SH3RF3: variants seen among roughly 807,000 people sequenced by gnomAD.
SH3RF3 encodes the protein SH3 domain containing ring finger 3.
SH3RF3 carries 29 observed loss-of-function variants against 66.3 expected under a neutral mutation model. The ratio of observed to expected loss-of-function variants is 0.44; its 90% CI spans 0.33 to 0.60. The LOEUF is 0.60. Among genes scored for constraint, SH3RF3 ranks in the 20% least tolerant of loss-of-function variants. SH3RF3 has a pLI of 0.04. For synonymous variants in SH3RF3, 583 were observed against 532.0 expected (o/e 1.10, Z -1.32); for missense variants, 1,194 against 1,190.9 (o/e 1.00, Z -0.04).
intron 1 of SH3RF3, among the ~76,000 whole-genome samples, chr2:109,235,477 A>G (rs1679625524): frequency 6.6e-6 from 1 of 152,338 alleles, no homozygotes; most frequent in Admixed American, 6.5e-5. Context: ...ATTAACCCTC[A>G]TGCCAGGACA....
At chr2:109,328,518 G>T (rs1054181627) in intron 1 of SH3RF3, among the ~76,000 whole-genome samples, 2 of 152,108 alleles carry the variant, frequency 1.3e-5, no homozygotes, top group Non-Finnish European at 2.9e-5. Context: ...ACACATGTTT[G>T]TTTTTCTAAG....
In SH3RF3 at chr2:109,384,651, A is replaced by G. The variant is rs190501147; in HGVS notation, c.945+12970A>G. 3.2e-3 allele frequency among the ~76,000 whole-genome samples: 490 copies of G among 152,250 alleles called. 3 individuals carry two copies. Among genetic ancestry groups the G allele is most frequent in the African/African-American group, 0.011 (452 of 41,542 alleles). ...TGCCCGCGACCTTGTGCCTGTGTCCATAGACTCCTCCTGACCACGTCCTTG... is the reference window on the plus strand; with the variant it reads ...TGCCCGCGACCTTGTGCCTGTGTCCGTAGACTCCTCCTGACCACGTCCTTG... On this transcript the variant is annotated intron_variant, in intron 3 of 9. Coordinates refer to ENST00000309415, the MANE Select transcript of SH3RF3 (RefSeq NM_001099289.3).
intron 1 of SH3RF3, among the ~76,000 whole-genome samples, chr2:109,311,794 T>C (rs1421423341): frequency 1.3e-5 from 2 of 152,240 alleles, no homozygotes; most frequent in Admixed American, 6.5e-5. Flanking sequence ...GCTACCCATA[T>C]GGCAGAGACA....
At chr2:109,418,408 G>A (rs1299991233) in intron 4 of SH3RF3, among the ~76,000 whole-genome samples, 1 of 152,124 alleles carries the variant, frequency 6.6e-6, no homozygotes, top group Admixed American at 6.5e-5. Context: ...GTCAAGGTGT[G>A]GACAGGTTTG....
chr2:109,404,284 G>A (rs1676390916), intron 4 of SH3RF3, among the ~76,000 whole-genome samples: 1 of 152,218 alleles, frequency 6.6e-6, no homozygotes, highest in Admixed American at 6.5e-5. Context: ...TTGTTGATGA[G>A]AATGCTGAAA....
rs1433263348 is a variant in SH3RF3, at chr2:109,412,822, G to A, written c.1300-6717G>A. On this transcript the variant is annotated intron_variant, in intron 4 of 9. Transcript: ENST00000309415. ...CCCAAAGGAGCAAAGTTATGGTTTG[G>A]TATGTAAGTTTCCTGACTTCTTGCC... 2.0e-5 allele frequency among the ~76,000 whole-genome samples: 3 copies of A among 152,230 alleles called. No individual in the cohort carries two copies. In the South Asian group the frequency reaches 6.2e-4, roughly 32 times the overall value.
At chr2:109,327,048 T>G (rs1362195145) in intron 1 of SH3RF3, among the ~76,000 whole-genome samples, 2 of 152,260 alleles carry the variant, frequency 1.3e-5, no homozygotes, top group African/African-American at 4.8e-5. Context: ...TGTCTTTTGA[T>G]AAATGGAAGG....
chr2:109,206,517 A>T (rs1289659213), intron 1 of SH3RF3, among the ~76,000 whole-genome samples: 1 of 126,570 alleles, frequency 7.9e-6, no homozygotes, highest in Non-Finnish European at 1.7e-5. Flanking sequence ...AAAAAAAAAG[A>T]ATTAGAGGAG....
At chr2:109,325,475 G>C (rs1682131972) in intron 1 of SH3RF3, among the ~76,000 whole-genome samples, 1 of 151,340 alleles carries the variant, frequency 6.6e-6, no homozygotes, top group African/African-American at 2.4e-5. Flanking sequence ...TGAGTAGATG[G>C]GACTACAGGC....
intron 2 of SH3RF3, among the ~76,000 whole-genome samples, chr2:109,364,673 C>T (rs1303681873): frequency 2.0e-5 from 3 of 152,190 alleles, no homozygotes; most frequent in Admixed American, 2.0e-4. Context: ...AAGCTTGTGC[C>T]CCTGGCCTGT....
chr2:109,177,184 A>G (rs1388151323), intron 1 of SH3RF3, among the ~76,000 whole-genome samples: 3 of 152,206 alleles, frequency 2.0e-5, no homozygotes, highest in African/African-American at 7.2e-5. Flanking sequence ...GAGTCAGAAT[A>G]AGGGGGACTG....
intron 9 of SH3RF3, among the ~76,000 whole-genome samples, chr2:109,500,298 T>A (rs774432000): frequency 2.6e-5 from 4 of 152,142 alleles, no homozygotes; most frequent in Non-Finnish European, 5.9e-5. Context: ...GAGAGAACTC[T>A]TGGTCAGTGC....
chr2:109,147,357 T>A, intron 1 of SH3RF3, among the ~76,000 whole-genome samples: 1 of 152,218 alleles, frequency 6.6e-6, no homozygotes, highest in East Asian at 1.9e-4. Flanking sequence ...ATCTCTGCGC[T>A]GATAAGCACC....
At chr2:109,452,851 A>G (rs1573263888) in intron 8 of SH3RF3, among the ~76,000 whole-genome samples, 1 of 111,630 alleles carries the variant, frequency 9.0e-6, no homozygotes, top group African/African-American at 3.7e-5. Context: ...GGTCCCTGGG[A>G]GGCTGGTCCC....
intron 8 of SH3RF3, among the ~76,000 whole-genome samples, chr2:109,464,311 A>G (rs1678281870): frequency 6.6e-6 from 1 of 152,256 alleles, no homozygotes; most frequent in African/African-American, 2.4e-5. Context: ...CATGTACAAC[A>G]TGAACTCACG....
chr2:109,235,418 G>A (rs759055288), intron 1 of SH3RF3, among the ~76,000 whole-genome samples: 1 of 152,208 alleles, frequency 6.6e-6, no homozygotes, highest in Non-Finnish European at 1.5e-5. Context: ...GCTGAGGAGA[G>A]TGACTAGGTA....
intron 1 of SH3RF3, among the ~76,000 whole-genome samples, chr2:109,257,474 A>G (rs1041489810): frequency 1.3e-5 from 2 of 152,088 alleles, no homozygotes; most frequent in African/African-American, 4.8e-5. Flanking sequence ...TTTCTTGTAA[A>G]TAGCAGCTGC....
chr2:109,333,430 G>A (rs1375682065), intron 1 of SH3RF3, among the ~76,000 whole-genome samples: 3 of 152,286 alleles, frequency 2.0e-5, no homozygotes, highest in East Asian at 3.9e-4. Flanking sequence ...AATAAAACAA[G>A]CCTAACCTTA....
At chr2:109,330,522 G>A (rs984472137) in intron 1 of SH3RF3, among the ~76,000 whole-genome samples, 3 of 152,176 alleles carry the variant, frequency 2.0e-5, no homozygotes, top group Non-Finnish European at 2.9e-5. Flanking sequence ...CCCTTGTATT[G>A]TTAGATGTCT....
Sources: gnomAD v4.1 joint callset for allele counts (sites outside exome capture counted in the v4.1 genomes callset) on GRCh38, gnomAD v4.1.1 for gene constraint, MANE v1.5 for transcripts, NCBI Gene and HGNC (gene_info 2026-07-23, HGNC 2026-07-21) for gene names.